Variants in CPED1 observed in about 807,000 individuals in gnomAD.
CPED1 encodes cadherin like and PC-esterase domain containing 1.
A neutral mutation model predicts 128.2 loss-of-function variants in CPED1; 114 were observed. That is an observed-to-expected ratio of 0.89 (90% CI 0.76 to 1.04). CPED1 has a LOEUF of 1.04. CPED1 is among the 50% of genes least tolerant of loss of function. The pLI, the probability that CPED1 is intolerant of heterozygous loss-of-function variation, is 0.00. For missense variants in CPED1, 1,211 were observed against 1,207.1 expected (o/e 1.00, Z -0.05); for synonymous variants, 462 against 426.7 (o/e 1.08, Z -1.02).
In CPED1 at chr7:120,989,741, G is replaced by A. The variant is rs144976107; in HGVS notation, c.120G>A (p.Lys40=). Residue 40 remains lysine, a synonymous_variant, in exon 2 of 23, where the codon AAG becomes AAA. Transcript: ENST00000310396. ...CTCTGACCCTCCGAGGGTCGAGGAA[G>A]CTCACAGCCGCTGCCCCTGGGGCTG... ...YQTLTLRGSR[K]LTAAAPGAVP... is the part of the protein sequence containing the mutation. The A allele has an allele frequency of 1.0e-4, 164 of 1,613,746 alleles. No individual in the cohort carries two copies. The highest frequency in any genetic ancestry group is 1.6e-4 in the Middle Eastern group (1 of 6,084).
At chr7:121,149,045 G>A (rs920508559) in intron 16 of CPED1, among the ~76,000 whole-genome samples, 4 of 152,118 alleles carry the variant, frequency 2.6e-5, no homozygotes, top group African/African-American at 9.7e-5. Flanking sequence ...GACCTGGGCT[G>A]TCGGCGTTCT....
intron 22 of CPED1, among the ~76,000 whole-genome samples, chr7:121,282,501 G>T (rs1430447887): frequency 2.0e-5 from 3 of 152,066 alleles, no homozygotes; most frequent in Admixed American, 6.6e-5. Context: ...TCTTTCACCG[G>T]AATAACATTT....
At chr7:121,093,563 A>T (rs1239596175) in intron 5 of CPED1, among the ~76,000 whole-genome samples, 1 of 152,110 alleles carries the variant, frequency 6.6e-6, no homozygotes, top group Non-Finnish European at 1.5e-5. Flanking sequence ...ACCCATCTCC[A>T]GGGAGCCGTC....
chr7:121,228,681 G>A (rs531423833), intron 16 of CPED1, among the ~76,000 whole-genome samples: 2 of 151,402 alleles, frequency 1.3e-5, no homozygotes, highest in Non-Finnish European at 2.9e-5. Flanking sequence ...TTTATCAAAG[G>A]GATACCTGCA....
intron 16 of CPED1, among the ~76,000 whole-genome samples, chr7:121,167,890 C>T (rs554405839): frequency 1.3e-5 from 2 of 152,086 alleles, no homozygotes; most frequent in South Asian, 4.2e-4. Flanking sequence ...TGCCACCATG[C>T]CCGGCTAATT....
At chr7:121,216,746 C>T (rs1274384701) in intron 16 of CPED1, among the ~76,000 whole-genome samples, 1 of 151,974 alleles carries the variant, frequency 6.6e-6, no homozygotes, top group East Asian at 1.9e-4. Context: ...GCCATATCCA[C>T]TTCATACTCT....
chr7:121,074,540 A>T (rs1245582711), intron 5 of CPED1, among the ~76,000 whole-genome samples: 1 of 44,848 alleles, frequency 2.2e-5, no homozygotes, highest in Non-Finnish European at 4.6e-5. Flanking sequence ...GGGCACCTTC[A>T]TCTGCATTAA....
At chr7:121,035,189 A>T (rs976371150) in intron 3 of CPED1, among the ~76,000 whole-genome samples, 3 of 152,118 alleles carry the variant, frequency 2.0e-5, no homozygotes, top group African/African-American at 7.2e-5. Context: ...ACTGGGTTGG[A>T]GTAGATGTGC....
At position 120,994,778 on chromosome 7, in the gene CPED1, A is replaced by G. The variant is rs185541374; in HGVS notation, c.249+4908A>G. ...GAGTCTGGATTCTATTCCAAAGGCA[A>G]CAGAGAATCCCTGAAGAATGCTAAG... On this transcript the variant is annotated intron_variant, in intron 2 of 22. Coordinates refer to ENST00000310396, the MANE Select transcript of CPED1 (RefSeq NM_024913.5). Among the ~76,000 whole-genome samples the G allele has an allele frequency of 3.3e-5, 5 of 152,228 alleles. 1 individual carries two copies. The highest frequency in any genetic ancestry group is 1.3e-4 in the Admixed American group (2 of 15,290).
chr7:121,291,767 C>G (rs1476109698), intron 22 of CPED1, among the ~76,000 whole-genome samples: 1 of 152,176 alleles, frequency 6.6e-6, no homozygotes, highest in African/African-American at 2.4e-5. Context: ...TTGACTTCCT[C>G]TCTTCCTATT....
chr7:121,125,318 G>A (rs942463546), intron 8 of CPED1, among the ~76,000 whole-genome samples: 1 of 152,074 alleles, frequency 6.6e-6, no homozygotes, highest in Non-Finnish European at 1.5e-5. Flanking sequence ...TTTACTTTAA[G>A]TTCTGGGATA....
chr7:121,068,176 A>T (rs1402462233), intron 5 of CPED1, among the ~76,000 whole-genome samples: 13 of 152,182 alleles, frequency 8.5e-5, no homozygotes, highest in South Asian at 4.1e-4. Context: ...GTTTTAGACA[A>T]GAAGTCCTTG....
At chr7:121,092,069 C>A (rs370417907) in intron 5 of CPED1, among the ~76,000 whole-genome samples, 2 of 152,118 alleles carry the variant, frequency 1.3e-5, no homozygotes, top group African/African-American at 4.8e-5. Context: ...CTCTCCTATG[C>A]TTTCCCATGC....
intron 3 of CPED1, among the ~76,000 whole-genome samples, chr7:121,018,923 T>C (rs918202478): frequency 1.3e-4 from 20 of 152,046 alleles, no homozygotes; most frequent in African/African-American, 4.6e-4. Context: ...GAAGGACACA[T>C]GGCCCCTTTC....
chr7:121,234,835 G>C (rs1798218240), intron 16 of CPED1, among the ~76,000 whole-genome samples: 1 of 152,080 alleles, frequency 6.6e-6, no homozygotes, highest in African/African-American at 2.4e-5. Flanking sequence ...ATTTCAGATA[G>C]CATGAATTGT....
At chr7:121,139,147 A>G (rs954614617) in intron 14 of CPED1, among the ~76,000 whole-genome samples, 38 of 152,030 alleles carry the variant, frequency 2.5e-4, no homozygotes, top group African/African-American at 9.2e-4. Context: ...ACCTACATCT[A>G]TCAGCCAGAT....
intron 18 of CPED1, among the ~76,000 whole-genome samples, chr7:121,253,349 T>C (rs112995095): frequency 6.7e-6 from 1 of 148,226 alleles, no homozygotes; most frequent in Non-Finnish European, 1.5e-5. Context: ...CATTAGGAGA[T>C]ATACCTAATT....
chr7:121,062,349 C>T (rs1180959161), intron 4 of CPED1, among the ~76,000 whole-genome samples: 2 of 145,054 alleles, frequency 1.4e-5, no homozygotes, highest in East Asian at 3.9e-4. Context: ...ACTTTGTGAA[C>T]TTAAAAAACA....
At chr7:121,077,989 TTATGA>T (rs1794177621) in intron 5 of CPED1, among the ~76,000 whole-genome samples, 1 of 152,040 alleles carries the variant, frequency 6.6e-6, no homozygotes, top group African/African-American at 2.4e-5. Context: ...GTTCAGTACT[TTATGA>T]TTTGTTTTTC....
Sources: gnomAD v4.1 joint callset for allele counts (sites outside exome capture counted in the v4.1 genomes callset) on GRCh38, gnomAD v4.1.1 for gene constraint, MANE v1.5 for transcripts, NCBI Gene and HGNC (gene_info 2026-07-23, HGNC 2026-07-21) for gene names.